FHIT: variants seen among roughly 807,000 people sequenced by gnomAD.
FHIT encodes bis(5'-adenosyl)-triphosphatase.
A neutral mutation model predicts 17.9 loss-of-function variants in FHIT; 19 were observed. The ratio of observed to expected loss-of-function variants is 1.06; its 90% CI spans 0.74 to 1.56. FHIT has a LOEUF of 1.56. Ranked by LOEUF, FHIT falls within the 40% of genes most tolerant of loss-of-function variation. The pLI, the probability that FHIT is intolerant of heterozygous loss-of-function variation, is 0.00. For missense variants in FHIT, 248 were observed against 189.2 expected, an observed-to-expected ratio of 1.31 and a Z score of -1.82; for synonymous variants, 81 against 69.7, an observed-to-expected ratio of 1.16 and a Z score of -0.81.
chr3:60,213,684 A>G (rs1281214674), intron 5 of FHIT, among the ~76,000 whole-genome samples: 1 of 152,182 alleles, frequency 6.6e-6, no homozygotes, highest in Non-Finnish European at 1.5e-5. Flanking sequence ...TATGCCCCAT[A>G]ATTAAACAGA....
intron 3 of FHIT, among the ~76,000 whole-genome samples, chr3:60,919,203 G>C (rs781834835): frequency 1.3e-5 from 2 of 152,170 alleles, no homozygotes; most frequent in Non-Finnish European, 2.9e-5. Context: ...TTCCCAATTT[G>C]CAACAAGGTC....
intron 3 of FHIT, among the ~76,000 whole-genome samples, chr3:60,960,994 T>A (rs1420459922): frequency 6.6e-6 from 1 of 152,216 alleles, no homozygotes; most frequent in African/African-American, 2.4e-5. Context: ...TCTAGATCCT[T>A]GAAGAATCGC....
chr3:60,348,143 T>C (rs112838266), intron 5 of FHIT, among the ~76,000 whole-genome samples: 6 of 141,424 alleles, frequency 4.2e-5, no homozygotes, highest in Non-Finnish European at 9.3e-5. Flanking sequence ...GAAAAAAAAA[T>C]TGTGTCTATT....
chr3:61,134,066 G>A (rs2036839752), intron 2 of FHIT, among the ~76,000 whole-genome samples: 1 of 126,658 alleles, frequency 7.9e-6, no homozygotes, highest in Admixed American at 7.7e-5. Context: ...TCCAGCCTGG[G>A]CGACAGAGTG....
At chr3:60,035,950 G>A (rs372590361) in intron 5 of FHIT, among the ~76,000 whole-genome samples, 3 of 152,264 alleles carry the variant, frequency 2.0e-5, no homozygotes, top group South Asian at 4.2e-4. Flanking sequence ...TGTCCATGGT[G>A]GGCCAGCAGA....
chr3:60,085,998 T>C (rs1703477871), intron 5 of FHIT, among the ~76,000 whole-genome samples: 1 of 152,192 alleles, frequency 6.6e-6, no homozygotes, highest in African/African-American at 2.4e-5. Context: ...AAGAGGTTTA[T>C]TTGGCTCATG....
chr3:61,050,307 T>G lies in FHIT; in HGVS notation c.-163-8208A>C, dbSNP rs182455024. Among the ~76,000 whole-genome samples, 40 of 152,114 alleles carry G rather than the reference T, an allele frequency of 2.6e-4. 1 individual carries two copies. The highest frequency in any genetic ancestry group is 8.5e-4 in the Admixed American group (13 of 15,278). On this transcript the variant is annotated intron_variant, in intron 2 of 9. Transcript: ENST00000492590. ...AAAATATAGAGCAAATGATCCAGTTTCTCTCACAAATCAAAGTTATTGAGA... is the reference window on the plus strand; with the variant it reads ...AAAATATAGAGCAAATGATCCAGTTGCTCTCACAAATCAAAGTTATTGAGA...
In FHIT at chr3:60,557,720, C is replaced by T. The variant is rs539139081; in HGVS notation, c.-17-20741G>A. Among the ~76,000 whole-genome samples the T allele has an allele frequency of 1.4e-4, 22 of 151,978 alleles. No individual in the cohort carries two copies. The South Asian group carries it at 3.1e-3, about 22-fold the overall frequency. ...TAATTTATGGCAACTCTCATTGCCA[C>T]GTGGGCTGAGAAGCACAACATAATA... is the stretch of plus-strand genomic sequence containing the variant. On this transcript the variant is annotated intron_variant, in intron 4 of 9. Transcript: ENST00000492590.
intron 5 of FHIT, among the ~76,000 whole-genome samples, chr3:60,499,474 C>T (rs975475348): frequency 7.9e-5 from 12 of 152,020 alleles, no homozygotes; most frequent in Non-Finnish European, 5.9e-5. Context: ...TCACTTTAAG[C>T]TCCTCCTCCC....
intron 3 of FHIT, among the ~76,000 whole-genome samples, chr3:61,021,627 G>C (rs985208110): frequency 7.4e-6 from 1 of 136,020 alleles, no homozygotes; most frequent in African/African-American, 2.7e-5. Flanking sequence ...AAAAAGAACA[G>C]AAATCATAAC....
At chr3:60,813,034 G>C (rs148887247) in intron 4 of FHIT, among the ~76,000 whole-genome samples, 44 of 152,118 alleles carry the variant, frequency 2.9e-4, no homozygotes, top group African/African-American at 1.0e-3. Flanking sequence ...ATGGAGAAGA[G>C]GGACCATCAA....
chr3:60,208,021 C>G (rs1703280931), intron 5 of FHIT, among the ~76,000 whole-genome samples: 1 of 152,134 alleles, frequency 6.6e-6, no homozygotes, highest in African/African-American at 2.4e-5. Context: ...AGGCAACCAA[C>G]CTGATTCACT....
chr3:59,993,879 C>T (rs930842939), intron 7 of FHIT, among the ~76,000 whole-genome samples: 1 of 152,036 alleles, frequency 6.6e-6, no homozygotes, highest in African/African-American at 2.4e-5. Flanking sequence ...ATAGCTACCT[C>T]ACTCAATGCT....
At chr3:60,249,344 A>C (rs60560518) in intron 5 of FHIT, among the ~76,000 whole-genome samples, 1,895 of 152,160 alleles carry the variant, frequency 0.012, 30 homozygotes, top group African/African-American at 0.043. Context: ...ATCTATTTAC[A>C]CTTTTCTCGG....
intron 5 of FHIT, among the ~76,000 whole-genome samples, chr3:60,434,890 T>A (rs2030070182): frequency 6.6e-6 from 1 of 152,168 alleles, no homozygotes; most frequent in Admixed American, 6.5e-5. Context: ...GGAAATAACA[T>A]CTTACTAACT....
chr3:60,413,777 A>G (rs902023202), intron 5 of FHIT, among the ~76,000 whole-genome samples: 38 of 152,206 alleles, frequency 2.5e-4, no homozygotes. Flanking sequence ...GCAAACACAC[A>G]AAAAATGCAG....
At chr3:60,927,368 C>G (rs1221868800) in intron 3 of FHIT, among the ~76,000 whole-genome samples, 1 of 152,194 alleles carries the variant, frequency 6.6e-6, no homozygotes, top group East Asian at 1.9e-4. Flanking sequence ...CCTTGGCCTC[C>G]CAAAGTGCTG....
At chr3:60,741,306 A>G (rs1465452530) in intron 4 of FHIT, among the ~76,000 whole-genome samples, 1 of 152,130 alleles carries the variant, frequency 6.6e-6, no homozygotes, top group Non-Finnish European at 1.5e-5. Context: ...ATCCACTATC[A>G]TTTTTGACAG....
At chr3:60,388,900 G>C (rs921544700) in intron 5 of FHIT, among the ~76,000 whole-genome samples, 3 of 152,118 alleles carry the variant, frequency 2.0e-5, no homozygotes, top group African/African-American at 4.8e-5. Context: ...TAGCACAGTG[G>C]AGAAGGCAGG....
Sources: allele counts gnomAD v4.1 joint callset (sites outside exome capture counted in the v4.1 genomes callset), GRCh38; gene constraint gnomAD v4.1.1; transcripts MANE v1.5; gene names NCBI Gene and HGNC (gene_info 2026-07-23, HGNC 2026-07-21).